MLLT10: variants seen among roughly 807,000 people sequenced by gnomAD.
MLLT10 encodes MLLT10 histone lysine methyltransferase DOT1L cofactor, also known as protein AF-10.
Under a neutral mutation model 129.1 loss-of-function variants are expected in MLLT10, and 30 were observed. The observed-to-expected ratio is 0.23, with a 90% CI of 0.17 to 0.32. The LOEUF is 0.32. Ranked by LOEUF, MLLT10 falls within the 10% of genes least tolerant of loss-of-function variation. MLLT10 has a pLI of 1.00. For synonymous variants in MLLT10, 490 were observed against 446.4 expected (o/e 1.10, Z -1.23); for missense variants, 1,119 against 1,268.3 (o/e 0.88, Z 1.79).
chr10:21,689,657 A>G (rs967054743), intron 13 of MLLT10, among the ~76,000 whole-genome samples: 1 of 143,186 alleles, frequency 7.0e-6, no homozygotes, highest in African/African-American at 2.6e-5. Flanking sequence ...ATATATATAT[A>G]TATATTTTTT....
intron 3 of MLLT10, among the ~76,000 whole-genome samples, chr10:21,585,897 G>A (rs1722966189): frequency 1.3e-5 from 2 of 152,298 alleles, no homozygotes; most frequent in South Asian, 2.1e-4. Context: ...CAGTAGCTGG[G>A]ATTACAGGCA....
At chr10:21,649,517 T>C (rs1280801874) in intron 8 of MLLT10, among the ~76,000 whole-genome samples, 1 of 152,252 alleles carries the variant, frequency 6.6e-6, no homozygotes, top group Non-Finnish European at 1.5e-5. Context: ...AGGGATGATT[T>C]ATCTTTCTTC....
chr10:21,628,167 C>G (rs958560796), intron 8 of MLLT10, among the ~76,000 whole-genome samples: 2 of 152,170 alleles, frequency 1.3e-5, no homozygotes, highest in African/African-American at 4.8e-5. Context: ...CCAAGCAGCG[C>G]CTGCATTTTC....
intron 8 of MLLT10, among the ~76,000 whole-genome samples, chr10:21,631,335 A>T (rs1473923710): frequency 2.0e-5 from 3 of 148,966 alleles, no homozygotes; most frequent in Non-Finnish European, 4.4e-5. Context: ...AAAAAAAAAA[A>T]GAAAAGTAAT....
intron 9 of MLLT10, among the ~76,000 whole-genome samples, chr10:21,663,847 T>C (rs745682000): frequency 5.9e-5 from 9 of 152,220 alleles, no homozygotes; most frequent in Non-Finnish European, 1.0e-4. Flanking sequence ...ATTACAGGTA[T>C]GACCCCCAAT....
At chr10:21,683,819 T>C (rs1479248779) in intron 13 of MLLT10, among the ~76,000 whole-genome samples, 2 of 151,874 alleles carry the variant, frequency 1.3e-5, no homozygotes, top group Non-Finnish European at 2.9e-5. Context: ...TGATATTGGC[T>C]CACTGCAACC....
chr10:21,577,489 A>G (rs1389123265), intron 3 of MLLT10, among the ~76,000 whole-genome samples: 2 of 147,410 alleles, frequency 1.4e-5, no homozygotes, highest in Non-Finnish European at 3.0e-5. Context: ...TTGAGACGGA[A>G]GTCTCCCTCT....
intron 3 of MLLT10, among the ~76,000 whole-genome samples, chr10:21,542,641 C>T (rs902169929): frequency 3.9e-5 from 6 of 151,976 alleles, no homozygotes; most frequent in South Asian, 2.1e-4. Context: ...TTTGAGAGGC[C>T]GAGGTGAGAG....
At chr10:21,636,431 A>G (rs1201866352) in intron 8 of MLLT10, among the ~76,000 whole-genome samples, 2 of 152,088 alleles carry the variant, frequency 1.3e-5, no homozygotes, top group Non-Finnish European at 2.9e-5. Context: ...CGACCGGCCC[A>G]TGATTTTTTT....
intron 3 of MLLT10, among the ~76,000 whole-genome samples, chr10:21,575,340 C>T (rs2040623526): frequency 2.6e-5 from 4 of 151,952 alleles, no homozygotes; most frequent in Admixed American, 2.6e-4. Flanking sequence ...TAGATTACAG[C>T]CACCCGCTGC....
At chr10:21,627,019 G>GCC (rs1360831543) in intron 8 of MLLT10, among the ~76,000 whole-genome samples, 1 of 152,128 alleles carries the variant, frequency 6.6e-6, no homozygotes, top group Non-Finnish European at 1.5e-5. Context: ...TGGGCATTGA[G>GCC]CCAGGCAGCC....
At chr10:21,587,456 C>T (rs1337231508) in intron 4 of MLLT10, among the ~76,000 whole-genome samples, 1 of 144,786 alleles carries the variant, frequency 6.9e-6, no homozygotes, top group East Asian at 2.1e-4. Context: ...AAGCTGACTT[C>T]TGTATCACAT....
chr10:21,632,295 T>A (rs148224013), intron 8 of MLLT10, among the ~76,000 whole-genome samples: 4 of 152,260 alleles, frequency 2.6e-5, no homozygotes, highest in African/African-American at 9.6e-5. Context: ...TTTTTGCAAC[T>A]TGTAAGGTTG....
At chr10:21,711,816 C>T (rs2131509768) in intron 13 of MLLT10, among the ~76,000 whole-genome samples, 1 of 152,280 alleles carries the variant, frequency 6.6e-6, no homozygotes, top group African/African-American at 2.4e-5. Context: ...AGTTTTTTGG[C>T]TCACCACTTT....
intron 9 of MLLT10, among the ~76,000 whole-genome samples, chr10:21,665,530 C>T (rs902610724): frequency 4.6e-5 from 7 of 151,946 alleles, no homozygotes; most frequent in African/African-American, 1.2e-4. Context: ...TCAGGTGATC[C>T]ACCCTTCTCC....
intron 8 of MLLT10, among the ~76,000 whole-genome samples, chr10:21,622,323 ATTT>A (rs57240669): frequency 2.2e-5 from 3 of 136,714 alleles, no homozygotes; most frequent in Admixed American, 1.5e-4. Flanking sequence ...ATGCCGGCCA[ATTT>A]TTTTTTTTTT....
chr10:21,558,838 G>T (rs1050542382), intron 3 of MLLT10, among the ~76,000 whole-genome samples: 1 of 151,830 alleles, frequency 6.6e-6, no homozygotes, highest in Admixed American at 6.6e-5. Flanking sequence ...CTTTTTATGT[G>T]CCTTTGTGCG....
chr10:21,657,973 T>C (rs1384945396), intron 9 of MLLT10, among the ~76,000 whole-genome samples: 1 of 152,164 alleles, frequency 6.6e-6, no homozygotes, highest in Non-Finnish European at 1.5e-5. Flanking sequence ...ATTTAATCTT[T>C]TTTATTGTCA....
chr10:21,633,884 T>C (rs1380170230), intron 8 of MLLT10, among the ~76,000 whole-genome samples: 1 of 152,188 alleles, frequency 6.6e-6, no homozygotes, highest in African/African-American at 2.4e-5. Flanking sequence ...GTTCGAGCAA[T>C]GTCCTAATTG....
Sources: gnomAD v4.1 joint callset for allele counts (sites outside exome capture counted in the v4.1 genomes callset) on GRCh38, gnomAD v4.1.1 for gene constraint, MANE v1.5 for transcripts, NCBI Gene and HGNC (gene_info 2026-07-23, HGNC 2026-07-21) for gene names.